Variants in CC2D2A observed in about 807,000 individuals in gnomAD.
CC2D2A encodes coiled-coil and C2 domain containing 2A, also known as coiled-coil and C2 domain-containing protein 2A.
In CC2D2A, 155 loss-of-function variants were observed where a neutral mutation model predicts 212.9. The observed-to-expected ratio is 0.73, with a 90% CI of 0.64 to 0.83. The LOEUF (loss-of-function observed/expected upper bound fraction) is 0.83. Among genes scored for constraint, CC2D2A ranks in the 40% least tolerant of loss-of-function variants. CC2D2A has a pLI of 0.00. For missense variants in CC2D2A, 1,856 were observed against 1,956.2 expected, an observed-to-expected ratio of 0.95 and a Z score of 0.97; for synonymous variants, 667 against 686.5, an observed-to-expected ratio of 0.97 and a Z score of 0.44.
chr4:15,596,177 C>G lies in CC2D2A; in HGVS notation c.4407C>G (p.Ser1469Arg), dbSNP rs587779732. Residue 1469 changes from serine (S) to arginine (R), a missense_variant, in exon 34 of 37, where the codon AGC (serine) becomes AGG (arginine). This residue lies in a region of CC2D2A where 285 missense variants were observed against 278.4 expected (regional missense o/e 1.02). Transcript: ENST00000424120. ...PKLWKSFFSR[S>R]LPYPGLSSVQ... ...TATGGAAATCTTTCTTTTCAAGAAG[C>G]CTTCCATATCCTGGCCTTTCCAGTG... The G allele has an allele frequency of 2.6e-5, 40 of 1,547,426 alleles. No individual in the cohort carries two copies. Among genetic ancestry groups the G allele is most frequent in the Middle Eastern group, 1.8e-4 (1 of 5,682 alleles).
chr4:15,559,317 G>A (rs1719448179), intron 22 of CC2D2A, 60 bp downstream of exon 22: 1 of 1,077,686 alleles, frequency 9.3e-7, no homozygotes, highest in African/African-American at 1.6e-5. Context: ...CCCTAAGGTG[G>A]AAAGTCCTCT....
intron 4 of CC2D2A, among the ~76,000 whole-genome samples, chr4:15,485,484 G>GA (rs1714945215): frequency 6.6e-6 from 1 of 152,166 alleles, no homozygotes; most frequent in African/African-American, 2.4e-5. Context: ...CTTTCTTTTG[G>GA]ATATATACCC....
rs1329524602 is a variant in CC2D2A, at chr4:15,557,401, C to G, written c.2723C>G (p.Ser908Cys). The G allele has an allele frequency of 1.2e-6, 2 of 1,613,270 alleles. No individual in the cohort carries two copies. Among genetic ancestry groups the G allele is most frequent in the South Asian group, 1.1e-5 (1 of 91,046 alleles). Residue 908 changes from serine (S) to cysteine (C), a missense_variant, in exon 21 of 37, where the codon TCC becomes TGC. Physicochemically the swap from Ser to Cys is moderately radical, Grantham distance 112. Around this residue, in one of 5 missense-constraint regions of CC2D2A, gnomAD observed 1,512 missense variants for 1,579.3 expected, o/e 0.96. Transcript: ENST00000424120. ...NFVSDQELNRSKRFRLLHLRS... is the reference protein window; with the variant it reads ...NFVSDQELNRCKRFRLLHLRS... ...GTTTCAGATCAAGAATTAAATAGATCCAAACGATTTAGGCTTCTTCATCTT... is the reference window on the plus strand; with the variant it reads ...GTTTCAGATCAAGAATTAAATAGATGCAAACGATTTAGGCTTCTTCATCTT...
chr4:15,516,768 C>T lies in CC2D2A; in HGVS notation c.1149+12C>T, dbSNP rs1716899639. ...CACTGTATAAAAAGGTAGACACTCC[C>T]CTCTCTCCACTTTTATTAAATGAAA... On this transcript the variant is annotated intron_variant, in intron 11 of 36. Transcript: ENST00000424120. 1.2e-6 allele frequency: 2 copies of T among 1,606,328 alleles called. No homozygotes were observed. The highest frequency in any genetic ancestry group is 1.7e-6 in the Non-Finnish European group (2 of 1,175,972).
chr4:15,544,621 C>T (rs1718617190), intron 17 of CC2D2A, among the ~76,000 whole-genome samples: 2 of 152,200 alleles, frequency 1.3e-5, no homozygotes, highest in South Asian at 2.1e-4. Context: ...CAGACTACTA[C>T]CCAGGCAGCC....
At chr4:15,528,823 TACATGTGAA>T in intron 13 of CC2D2A, 97 bp downstream of exon 13, 2 of 780,452 alleles carry the variant, frequency 2.6e-6, no homozygotes, top group South Asian at 3.7e-5. Context: ...ATGCAATGAA[TACATGTGAA>T]ATTATGCCAT....
rs745525616 is a variant in CC2D2A at position 15,601,398 on chromosome 4, T to C, written c.4836T>C (p.Tyr1612=). 1.9e-6 allele frequency: 3 copies of C among 1,554,388 alleles called. No individual in the cohort carries two copies. Among genetic ancestry groups the C allele is most frequent in the Non-Finnish European group, 2.6e-6 (3 of 1,146,596 alleles). The change falls in exon 37 of 37, where the codon TAT becomes TAC. Residue 1612 remains tyrosine (Y), a synonymous_variant. Transcript: ENST00000424120. ...YPKNVLSVWI[Y]VASLIRNR is the part of the protein sequence containing the mutation. ...AAAATGTTTTGTCTGTTTGGATCTA[T>C]GTTGCCTCTCTTATACGCAACAGGT...
chr4:15,538,112 GT>G lies in CC2D2A; in HGVS notation c.1979del (p.Val660GlufsTer18). 6.3e-7 allele frequency: 1 copy of G among 1,595,416 alleles called. No individual in the cohort carries two copies. The highest frequency in any genetic ancestry group is 8.5e-7 in the Non-Finnish European group (1 of 1,170,162). On this transcript the variant is annotated frameshift_variant, in exon 16 of 37. Transcript: ENST00000424120. LOFTEE classifies it high-confidence loss of function. ...CCCGGAGCTAAGCCTGGCAGGAAGC[GT>G]AACACCCAATGACCAGTGCCCCAGG... ...LVPELSLAGS[V>X]TPNDQCPRAE...
rs1479141284 is a variant in CC2D2A, at chr4:15,500,107, G to GTGTGTATATATA, written c.248-2321_248-2320insGTGTATATATAT. ...TGTGTGTGTGTGTGTGTGTGTGTGTGTATATATATATATATATATATATAT... is the reference window on the plus strand; with the variant it reads ...TGTGTGTGTGTGTGTGTGTGTGTGTGTGTGTATATATATATATATATATATATATATATATAT... On this transcript the variant is annotated intron_variant, in intron 4 of 36. Coordinates refer to ENST00000424120, the MANE Select transcript of CC2D2A (RefSeq NM_001378615.1). 4.4e-3 allele frequency among the ~76,000 whole-genome samples: 500 copies of GTGTGTATATATA among 112,838 alleles called. 5 individuals are homozygous for GTGTGTATATATA. Among genetic ancestry groups the GTGTGTATATATA allele is most frequent in the Admixed American group, 0.02 (218 of 10,792 alleles). The allele number at this position is 112,838 out of a possible 152,430, so 74.0% of individuals were successfully genotyped here. A position where few individuals can be genotyped will look rare whatever the true frequency, so the allele number is the denominator to read the frequency against.
At chr4:15,577,562 C>A (rs1419246181) in intron 29 of CC2D2A, among the ~76,000 whole-genome samples, 1 of 152,010 alleles carries the variant, frequency 6.6e-6, no homozygotes, top group Non-Finnish European at 1.5e-5. Context: ...ATCTTGGTGG[C>A]CTAGACAAGT....
chr4:15,471,580 T>C (rs960569706), intron 1 of CC2D2A, among the ~76,000 whole-genome samples: 2 of 150,364 alleles, frequency 1.3e-5, no homozygotes, highest in African/African-American at 4.9e-5. Flanking sequence ...TTAGCCCTTA[T>C]AAATTAATCA....
intron 21 of CC2D2A, among the ~76,000 whole-genome samples, 153 bp from the exon 22 acceptor site, chr4:15,559,012 C>T (rs572938390): frequency 1.3e-5 from 2 of 152,254 alleles, no homozygotes; most frequent in African/African-American, 4.8e-5. Context: ...GTTACTCTAT[C>T]AAAGACCAAT....
chr4:15,509,604 T>C (rs1716445772), intron 6 of CC2D2A, among the ~76,000 whole-genome samples: 1 of 152,188 alleles, frequency 6.6e-6, no homozygotes, highest in South Asian at 2.1e-4. Flanking sequence ...TTATTGAGTA[T>C]ACAATTTTAC....
chr4:15,574,293 C>G lies in CC2D2A; in HGVS notation c.3738C>G (p.Pro1246=), dbSNP rs1440752742. 1.3e-6 allele frequency: 2 copies of G among 1,551,086 alleles called. No homozygotes were observed. Among genetic ancestry groups the G allele is most frequent in the African/African-American group, 2.7e-5 (2 of 72,990 alleles). The part of the protein sequence containing the change: ...SYITLFITIE[P]QLVPGESIRE... ...TTACCCTCTTTATTACCATTGAGCC[C>G]CAGCTGGTTCCTGGAGAGTCCATTC... The change falls in exon 29 of 37, where the codon CCC becomes CCG. Residue 1246 remains proline, a synonymous_variant. Transcript: ENST00000424120.
intron 28 of CC2D2A, 112 bp from the exon 29 acceptor site, chr4:15,574,038 C>T: frequency 2.4e-6 from 2 of 833,114 alleles, no homozygotes; most frequent in Non-Finnish European, 3.7e-6. Context: ...CTTTGAATGC[C>T]AGTCTGAGCA....
chr4:15,474,986 C>CT (rs893345228), intron 1 of CC2D2A, among the ~76,000 whole-genome samples: 1 of 152,038 alleles, frequency 6.6e-6, no homozygotes, highest in Admixed American at 6.6e-5. Context: ...TAAGAGAGGG[C>CT]TTTTTTTGGC....
At chr4:15,502,392 TTTTTTA>T in intron 4 of CC2D2A, 31 bp from the exon 5 acceptor site, 1 of 1,481,422 alleles carries the variant, frequency 6.8e-7, no homozygotes, top group South Asian at 1.3e-5. Context: ...TTTTTCTTTT[TTTTTTA>T]TTTTGTTTTG....
At chr4:15,518,821 C>T (rs1717032500) in intron 11 of CC2D2A, among the ~76,000 whole-genome samples, 1 of 152,190 alleles carries the variant, frequency 6.6e-6, no homozygotes, top group Non-Finnish European at 1.5e-5. Context: ...AGCTGGGACA[C>T]AGGGCATCAA....
chr4:15,535,763 C>T (rs1353935878), intron 14 of CC2D2A, among the ~76,000 whole-genome samples: 1 of 152,110 alleles, frequency 6.6e-6, no homozygotes, highest in Non-Finnish European at 1.5e-5. Context: ...GATATGTGTC[C>T]ATAAGCAAAT....
Sources: allele counts gnomAD v4.1 joint callset (sites outside exome capture counted in the v4.1 genomes callset), GRCh38; gene constraint gnomAD v4.1.1; regional missense constraint gnomAD v4.1.1; transcripts MANE v1.5; gene names NCBI Gene and HGNC (gene_info 2026-07-23, HGNC 2026-07-21).